Variants in UNC13C observed in about 807,000 individuals in gnomAD.
UNC13C encodes unc-13 homolog C.
Under a neutral mutation model 245.4 loss-of-function variants are expected in UNC13C, and 174 were observed. The observed-to-expected ratio is 0.71, with a 90% CI of 0.63 to 0.80. The LOEUF (loss-of-function observed/expected upper bound fraction) is 0.80. UNC13C is among the 30% of genes least tolerant of loss of function. UNC13C has a pLI of 0.00. For synonymous variants in UNC13C, 992 were observed against 895.1 expected, an observed-to-expected ratio of 1.11 and a Z score of -1.93; for missense variants, 2,829 against 2,602.9, an observed-to-expected ratio of 1.09 and a Z score of -1.89.
At chr15:54,272,185 A>G (rs1229056446) in intron 10 of UNC13C, among the ~76,000 whole-genome samples, 1 of 152,064 alleles carries the variant, frequency 6.6e-6, no homozygotes, top group Non-Finnish European at 1.5e-5. Flanking sequence ...TAGAAGCATG[A>G]TTGTTTTGGA....
At chr15:53,985,425 G>A (rs1242733361) in intron 1 of UNC13C, among the ~76,000 whole-genome samples, 2 of 150,572 alleles carry the variant, frequency 1.3e-5, no homozygotes, top group Non-Finnish European at 3.0e-5. Context: ...TGTTACATAT[G>A]TATACATGTG....
At chr15:54,313,707 G>C (rs1189977595) in intron 13 of UNC13C, among the ~76,000 whole-genome samples, 5 of 151,596 alleles carry the variant, frequency 3.3e-5, no homozygotes, top group African/African-American at 4.8e-5. Context: ...TCTTTCAAAA[G>C]TTATCAAAGC....
chr15:54,606,153 T>C (rs1899754636), intron 30 of UNC13C, among the ~76,000 whole-genome samples: 1 of 152,346 alleles, frequency 6.6e-6, no homozygotes, highest in East Asian at 1.9e-4. Flanking sequence ...AAACATTCTA[T>C]TACTTGTCGT....
intron 2 of UNC13C, among the ~76,000 whole-genome samples, chr15:54,093,569 G>A (rs1302083259): frequency 2.6e-5 from 4 of 152,194 alleles, no homozygotes; most frequent in Admixed American, 1.3e-4. Flanking sequence ...ATGTTAAAAT[G>A]TTCATATCAG....
intron 2 of UNC13C, among the ~76,000 whole-genome samples, chr15:54,060,058 C>T (rs1474664783): frequency 6.6e-6 from 1 of 152,120 alleles, no homozygotes; most frequent in Non-Finnish European, 1.5e-5. Flanking sequence ...TAGGCATGGG[C>T]AAGGACTTCA....
intron 29 of UNC13C, among the ~76,000 whole-genome samples, chr15:54,564,434 A>C (rs1234364979): frequency 2.0e-5 from 3 of 152,024 alleles, no homozygotes; most frequent in African/African-American, 4.8e-5. Flanking sequence ...TAGTCCCCAA[A>C]GTCCCAGAGT....
At chr15:54,098,678 TAA>T (rs1294754915) in intron 2 of UNC13C, among the ~76,000 whole-genome samples, 1 of 152,224 alleles carries the variant, frequency 6.6e-6, no homozygotes, top group Non-Finnish European at 1.5e-5. Context: ...TACATTTTTC[TAA>T]GTTATAATAC....
intron 17 of UNC13C, among the ~76,000 whole-genome samples, chr15:54,379,832 G>C (rs2039682653): frequency 6.6e-6 from 1 of 152,006 alleles, no homozygotes; most frequent in Admixed American, 6.6e-5. Context: ...AGGTATTTTT[G>C]GTATGGGTTT....
At chr15:54,424,090 A>T in intron 19 of UNC13C, among the ~76,000 whole-genome samples, 1 of 151,912 alleles carries the variant, frequency 6.6e-6, no homozygotes, top group Non-Finnish European at 1.5e-5. Context: ...ACAAATGAAT[A>T]TTATCTAAAC....
chr15:54,340,884 T>G (rs1396312895), intron 17 of UNC13C, among the ~76,000 whole-genome samples: 1 of 152,160 alleles, frequency 6.6e-6, no homozygotes, highest in Non-Finnish European at 1.5e-5. Context: ...GGCAGTATGG[T>G]CATTTTCACA....
chr15:53,902,581 C>T, the UNC13C span, among the ~76,000 whole-genome samples: 6 of 152,276 alleles, frequency 3.9e-5, no homozygotes, highest in African/African-American at 1.4e-4. Flanking sequence ...TTGAGACTAG[C>T]AAGTCTGCTT....
At chr15:53,915,076 C>G in the UNC13C span, among the ~76,000 whole-genome samples, 1 of 152,124 alleles carries the variant, frequency 6.6e-6, no homozygotes, top group African/African-American at 2.4e-5. Context: ...TGACTCAGCC[C>G]TTTCCTCACA....
intron 1 of UNC13C, among the ~76,000 whole-genome samples, chr15:54,005,605 G>A (rs770222229): frequency 2.0e-5 from 3 of 152,166 alleles, no homozygotes; most frequent in Non-Finnish European, 4.4e-5. Context: ...AAACAGCTTA[G>A]AAGAATAATT....
At chr15:54,084,067 A>T (rs2141122914) in intron 2 of UNC13C, among the ~76,000 whole-genome samples, 1 of 152,200 alleles carries the variant, frequency 6.6e-6, no homozygotes, top group East Asian at 1.9e-4. Flanking sequence ...AGGTGAGGGG[A>T]GCAGAGAGGA....
chr15:54,238,713 T>C (rs930061218), intron 7 of UNC13C, among the ~76,000 whole-genome samples: 2 of 152,240 alleles, frequency 1.3e-5, no homozygotes, highest in Non-Finnish European at 2.9e-5. Context: ...AACTTGTTTG[T>C]TGTTCTTGTT....
At chr15:54,622,118 A>G (rs1436497282) in intron 30 of UNC13C, among the ~76,000 whole-genome samples, 1 of 152,184 alleles carries the variant, frequency 6.6e-6, no homozygotes, top group African/African-American at 2.4e-5. Context: ...GCCCAATGAC[A>G]TTTTAGTTCA....
intron 24 of UNC13C, among the ~76,000 whole-genome samples, chr15:54,521,430 C>G (rs571386038): frequency 3.3e-4 from 50 of 152,244 alleles, no homozygotes; most frequent in African/African-American, 1.2e-3. Flanking sequence ...CATGCAAAGT[C>G]TATTTTTCAA....
At position 54,321,965 on chromosome 15, in the gene UNC13C, A is replaced by G. The variant is rs894700924; in HGVS notation, c.4295A>G (p.Tyr1432Cys). 1 of 1,581,822 alleles carries G rather than the reference A, an allele frequency of 6.3e-7. No individual in the cohort carries two copies. The highest frequency in any genetic ancestry group is 1.3e-5 in the African/African-American group (1 of 74,418). Residue 1432 changes from tyrosine (Y) to cysteine (C), a missense_variant, in exon 14 of 33, where the codon TAC (tyrosine) becomes TGC (cysteine). Physicochemically the swap from Tyr to Cys is radical, Grantham distance 194 (BLOSUM62 -2). Transcript: ENST00000260323. ...MTHFSCLSSK[Y>C]MCPGVPAVMS... ...CACTTTTCATGTCTGTCTTCTAAAT[A>G]CATGTGCCCCGGTGTCCCTGCCGTC...
chr15:54,318,573 A>T (rs1420410715), intron 13 of UNC13C, among the ~76,000 whole-genome samples: 4 of 151,648 alleles, frequency 2.6e-5, no homozygotes, highest in Non-Finnish European at 4.4e-5. Flanking sequence ...TACTCGGATT[A>T]TTTGTTTTCT....
Sources: allele counts gnomAD v4.1 joint callset (sites outside exome capture counted in the v4.1 genomes callset), GRCh38; gene constraint gnomAD v4.1.1; transcripts MANE v1.5; gene names NCBI Gene and HGNC (gene_info 2026-07-23, HGNC 2026-07-21).